Variants in ZFYVE26 observed in about 807,000 individuals in gnomAD.
ZFYVE26 encodes zinc finger FYVE domain-containing protein 26.
ZFYVE26 carries 181 observed loss-of-function variants against 276.5 expected under a neutral mutation model. The observed-to-expected ratio is 0.65, with a 90% CI of 0.58 to 0.74. ZFYVE26 has a LOEUF of 0.74. Among genes scored for constraint, ZFYVE26 ranks in the 30% least tolerant of loss-of-function variants. The probability of loss-of-function intolerance (pLI) is 0.00; values close to 1 mark genes in which losing one functional copy is unlikely to be tolerated. For missense variants in ZFYVE26, 2,821 were observed against 3,097.9 expected, an observed-to-expected ratio of 0.91 and a Z score of 2.12; for synonymous variants, 1,129 against 1,203.1, an observed-to-expected ratio of 0.94 and a Z score of 1.27.
intron 34 of ZFYVE26, 110 bp from the exon 35 acceptor site, chr14:67,761,694 A>AT: frequency 1.1e-6 from 1 of 871,018 alleles, no homozygotes; most frequent in East Asian, 2.6e-5. Context: ...AACATGGCAC[A>AT]TGTATACATA....
intron 35 of ZFYVE26, among the ~76,000 whole-genome samples, chr14:67,758,881 T>C (rs1160890906): frequency 1.3e-5 from 2 of 152,094 alleles, no homozygotes; most frequent in African/African-American, 2.4e-5. Context: ...GTGATCCACC[T>C]GCCTCAGCCT....
At chr14:67,774,893 C>T (rs2039299241) in intron 27 of ZFYVE26, 123 bp downstream of exon 27, 16 of 660,960 alleles carry the variant, frequency 2.4e-5, no homozygotes, top group Non-Finnish European at 3.7e-5. Context: ...CCAAGATAAA[C>T]AATTAATAAT....
At chr14:67,767,633 T>A in intron 31 of ZFYVE26, 71 bp downstream of exon 31, 1 of 1,605,716 alleles carries the variant, frequency 6.2e-7, no homozygotes, top group Non-Finnish European at 8.5e-7. Flanking sequence ...TTCACCTACC[T>A]CTGTATTTCT....
At chr14:67,753,631 CTAAAGAA>C in intron 39 of ZFYVE26, 69 bp downstream of exon 39, 1 of 1,481,270 alleles carries the variant, frequency 6.8e-7, no homozygotes, top group South Asian at 1.2e-5. Context: ...TAAGAATTTC[CTAAAGAA>C]TAATCTCTCC....
chr14:67,807,282 TAGCCTCC>T, intron 5 of ZFYVE26, 109 bp downstream of exon 5: 1 of 1,409,120 alleles, frequency 7.1e-7, no homozygotes, highest in Non-Finnish European at 9.8e-7. Flanking sequence ...CATTTTTGCT[TAGCCTCC>T]CCTATTAGAT....
chr14:67,755,119 T>A lies in ZFYVE26; in HGVS notation c.6918A>T (p.Thr2306=), dbSNP rs146227863. Residue 2306 remains threonine (T), a synonymous_variant, in exon 37 of 42, where the codon ACA becomes ACT. Transcript: ENST00000347230. ...KDHLKIYLQE[T]SRSSGRKKTT... ...TTTTCTTCCTTCCAGAGCTGCGGGA[T>A]GTTTCTTGGAGGTAGATCTTCAGGT... The A allele has an allele frequency of 9.5e-5, 154 of 1,614,188 alleles. 2 individuals are homozygous for A. In the Middle Eastern group the frequency reaches 4.5e-3, roughly 47 times the overall value.
Position 67,783,144 on chromosome 14 carries a change from C to T in ZFYVE26, c.4008G>A (p.Trp1336Ter). ...CCTCCCTGCGGCCACGAAGTTCCTT[C>T]CATGACAAGCTGGGTTTGCTGACCT... The part of the protein sequence containing the change: ...RLKVSKPSLS[W>*]KELRGRREVP... The change falls in exon 21 of 42, where the codon TGG becomes TGA. Residue 1336 changes from tryptophan to a stop codon, truncating the protein, a stop_gained. Transcript: ENST00000347230. LOFTEE classifies it high-confidence loss of function. The T allele has an allele frequency of 6.2e-7, 1 of 1,607,758 alleles. No individual in the cohort carries two copies. Among genetic ancestry groups the T allele is most frequent in the Non-Finnish European group, 8.5e-7 (1 of 1,175,658 alleles).
At chr14:67,751,163 C>A (rs2038631111) in intron 40 of ZFYVE26, 67 bp from the exon 41 acceptor site, 3 of 1,580,818 alleles carry the variant, frequency 1.9e-6, no homozygotes, top group Admixed American at 1.7e-5. Flanking sequence ...CAGGGCCCAA[C>A]CCAGCCTCAG....
intron 13 of ZFYVE26, 59 bp downstream of exon 13, chr14:67,794,112 G>A: frequency 6.4e-7 from 1 of 1,553,314 alleles, no homozygotes. Flanking sequence ...CATGGTGTAT[G>A]GCAACTCTAT....
chr14:67,735,355 G>T (rs893098131), intron 13 of ZFYVE26: 3 of 750,124 alleles, frequency 4.0e-6, no homozygotes, highest in African/African-American at 3.4e-5. Context: ...CTCAGCCTGG[G>T]CAAGGAACAT....
At chr14:67,755,397 G>A (rs1399058667) in intron 36 of ZFYVE26, 147 bp from the exon 37 acceptor site, 2 of 952,238 alleles carry the variant, frequency 2.1e-6, no homozygotes, top group Non-Finnish European at 3.2e-6. Flanking sequence ...TTTTGAGCCA[G>A]TCACCCCCAA....
chr14:67,748,693 G>GCTGTCGGTGCT lies in ZFYVE26; in HGVS notation c.7417-55_7417-54insAGCACCGACAG. The GCTGTCGGTGCT allele has an allele frequency of 1.9e-6, 3 of 1,594,434 alleles. No individual in the cohort carries two copies. The South Asian group carries it at 3.4e-5, about 18-fold the overall frequency. On this transcript the variant is annotated intron_variant, in intron 41 of 41. Coordinates refer to ENST00000347230, the MANE Select transcript of ZFYVE26 (RefSeq NM_015346.4). ...AAGGCATCCATCACCGACAAATCAA[G>GCTGTCGGTGCT]TATACAGAGCTGCAGCAGAAAGCTC...
At chr14:67,800,629 C>T (rs569957360) in intron 10 of ZFYVE26, among the ~76,000 whole-genome samples, 73 of 152,100 alleles carry the variant, frequency 4.8e-4, no homozygotes, top group Admixed American at 4.3e-3. Flanking sequence ...CTCATAGTAA[C>T]GGTTTGTGAG....
chr14:67,782,536 T>C (rs933192302), intron 21 of ZFYVE26, among the ~76,000 whole-genome samples: 2 of 152,118 alleles, frequency 1.3e-5, no homozygotes, highest in Non-Finnish European at 2.9e-5. Context: ...TGATATACAG[T>C]ATTGAGAATA....
rs748826639 is a variant in ZFYVE26, at chr14:67,729,196, G to A, written n.3288+15C>T. ...TTGTGCCCTCTTTGTCCCAGGCACC[G>A]GGGTCACCACCTACGCAGTGCACCC... On this transcript the variant is annotated intron_variant and non_coding_transcript_variant, in intron 14 of 14. Coordinates refer to the ZFYVE26 transcript ENST00000394455. 1.3e-5 allele frequency: 21 copies of A among 1,612,540 alleles called. No individual in the cohort carries two copies. Among genetic ancestry groups the A allele is most frequent in the Non-Finnish European group, 1.7e-5 (20 of 1,179,974 alleles).
chr14:67,773,162 G>C (rs1374927056), intron 27 of ZFYVE26, among the ~76,000 whole-genome samples: 1 of 152,038 alleles, frequency 6.6e-6, no homozygotes, highest in East Asian at 1.9e-4. Flanking sequence ...TGGTATTATG[G>C]CTTTGTTTTA....
rs72723189 is a variant in ZFYVE26 at position 67,804,316 on chromosome 14, G to C, written c.1272-52C>G. ...AGAGAGGCAGTTTATATTATTGCTC[G>C]AAGAAAGATCAATCTCCATTCCCTC... is the stretch of plus-strand genomic sequence containing the variant. On this transcript the variant is annotated intron_variant, in intron 8 of 41. Coordinates refer to ENST00000347230, the MANE Select transcript of ZFYVE26 (RefSeq NM_015346.4). The C allele has an allele frequency of 9.9e-3, 15,826 of 1,595,022 alleles. 92 individuals carry two copies. Among genetic ancestry groups the C allele is most frequent in the Non-Finnish European group, 0.011 (12,975 of 1,164,274 alleles).
chr14:67,783,918 A>T (rs1012825586), intron 20 of ZFYVE26, among the ~76,000 whole-genome samples: 5 of 152,382 alleles, frequency 3.3e-5, no homozygotes, highest in African/African-American at 1.2e-4. Context: ...AGGATAAATT[A>T]TCCAAAATGG....
intron 35 of ZFYVE26, among the ~76,000 whole-genome samples, chr14:67,757,640 G>GTCTTTCTTTCTTTCTTTCTTTCTT (rs57285258): frequency 1.2e-4 from 18 of 149,016 alleles, no homozygotes; most frequent in South Asian, 8.7e-4. Flanking sequence ...AGATATTTTT[G>GTCTTTCTTTCTTTCTTTCTTTCTT]TCTTTCTTTC....
Sources: gnomAD v4.1 joint callset for allele counts (sites outside exome capture counted in the v4.1 genomes callset) on GRCh38, gnomAD v4.1.1 for gene constraint, MANE v1.5 for transcripts, NCBI Gene and HGNC (gene_info 2026-07-23, HGNC 2026-07-21) for gene names.